GSE1: variants seen among roughly 807,000 people sequenced by gnomAD.
GSE1 encodes the protein Gse1 coiled-coil protein.
Under a neutral mutation model 112.6 loss-of-function variants are expected in GSE1, and 32 were observed. The ratio of observed to expected loss-of-function variants is 0.28; its 90% CI spans 0.21 to 0.38. The LOEUF (loss-of-function observed/expected upper bound fraction) is 0.38, where lower values mean the gene tolerates loss of function less well. Among genes scored for constraint, GSE1 ranks in the 10% least tolerant of loss-of-function variants. GSE1 has a pLI of 1.00. For missense variants in GSE1, 2,348 were observed against 1,699.2 expected (o/e 1.38, Z -6.71); for synonymous variants, 1,115 against 735.6 (o/e 1.52, Z -8.35).
chr16:85,555,054 C>T (rs2045131307), upstream of GSE1: 1 of 985,342 alleles, frequency 1.0e-6, no homozygotes, highest in African/African-American at 1.7e-5. Context: ...CTATTATTAT[C>T]GCCCTGCGAA....
At chr16:85,482,920 G>A (rs1227587494) in intron 2 of GSE1, among the ~76,000 whole-genome samples, 1 of 150,666 alleles carries the variant, frequency 6.6e-6, no homozygotes, top group African/African-American at 2.5e-5. Context: ...AGAGGTTGCA[G>A]TGAGCCAAGA....
rs919674749 is a variant in GSE1 at position 85,269,612 on chromosome 16, G to A, written c.2284-87851G>A. ...TCCTGACTCCCCGGTGCTGCCTCCC[G>A]TGCTCTGCATGCCCGGCCCCTCCCC... On this transcript the variant is annotated intron_variant, in intron 1 of 2. Coordinates refer to the GSE1 transcript ENST00000637419. Among the ~76,000 whole-genome samples the A allele has an allele frequency of 8.7e-5, 13 of 149,268 alleles. 1 individual carries two copies. The highest frequency in any genetic ancestry group is 1.9e-4 in the East Asian group (1 of 5,190).
intron 2 of GSE1, among the ~76,000 whole-genome samples, chr16:85,430,854 G>A (rs1343082241): frequency 6.6e-6 from 1 of 152,196 alleles, no homozygotes; most frequent in East Asian, 1.9e-4. Flanking sequence ...GCAGGTTGCC[G>A]GGCCCTGCCC....
At chr16:85,302,639 C>T (rs974883409) in intron 1 of GSE1, among the ~76,000 whole-genome samples, 1 of 152,212 alleles carries the variant, frequency 6.6e-6, no homozygotes, top group African/African-American at 2.4e-5. Context: ...GATTGCAGGA[C>T]CTCATCCCCA....
At chr16:85,666,497 A>C (rs1228286955) in intron 13 of GSE1, 150 bp downstream of exon 13, 3 of 724,648 alleles carry the variant, frequency 4.1e-6, no homozygotes, top group African/African-American at 3.6e-5. Flanking sequence ...TTATTATGCC[A>C]AAACCATGTT....
At position 85,275,522 on chromosome 16, in the gene GSE1, T is replaced by A. The variant is rs1025217491; in HGVS notation, c.2284-81941T>A. ...TGTCTCACTCGACAAGCCACCGAGTTCAAATGGCACCAGTGAAAAGAGAAG... is the reference window on the plus strand; with the variant it reads ...TGTCTCACTCGACAAGCCACCGAGTACAAATGGCACCAGTGAAAAGAGAAG... On this transcript the variant is annotated intron_variant, in intron 1 of 2. Coordinates refer to the GSE1 transcript ENST00000637419. Among the ~76,000 whole-genome samples the A allele has an allele frequency of 3.3e-5, 5 of 152,268 alleles. No homozygotes were observed. The East Asian group carries it at 9.7e-4, about 29-fold the overall frequency.
At chr16:85,309,132 C>T (rs867258107) in intron 1 of GSE1, among the ~76,000 whole-genome samples, 2 of 151,700 alleles carry the variant, frequency 1.3e-5, no homozygotes, top group Admixed American at 1.3e-4. Flanking sequence ...GCGAAGCTCT[C>T]GACCCAGGCC....
chr16:85,189,636 C>A (rs2074781575), intron 1 of GSE1, among the ~76,000 whole-genome samples: 1 of 152,200 alleles, frequency 6.6e-6, no homozygotes, highest in African/African-American at 2.4e-5. Context: ...AGTTGGTAAT[C>A]TTTTTCTGAA....
intron 1 of GSE1, among the ~76,000 whole-genome samples, chr16:85,225,366 A>G (rs2075466477): frequency 6.6e-6 from 1 of 152,148 alleles, no homozygotes; most frequent in Admixed American, 6.5e-5. Context: ...CAGTCAGTGC[A>G]GAGGGCCCGA....
intron 7 of GSE1, 139 bp from the exon 8 acceptor site, chr16:85,657,138 T>G (rs1417983908): frequency 1.7e-6 from 1 of 585,156 alleles, no homozygotes; most frequent in Non-Finnish European, 2.9e-6. Flanking sequence ...GGGCCCCTTC[T>G]GAATATCTTG....
At chr16:85,462,893 C>G (rs1207979148) in intron 2 of GSE1, among the ~76,000 whole-genome samples, 1 of 150,504 alleles carries the variant, frequency 6.6e-6, no homozygotes, top group Admixed American at 6.6e-5. Context: ...GCAGGGCGCA[C>G]CGCGCAGGGA....
chr16:85,537,518 C>T (rs1270902326), intron 2 of GSE1, among the ~76,000 whole-genome samples: 3 of 152,196 alleles, frequency 2.0e-5, no homozygotes, highest in Non-Finnish European at 4.4e-5. Context: ...CCAGCTCAGC[C>T]AGGGCTCGAG....
At chr16:85,612,059 G>C (rs899408973), upstream of GSE1, among the ~76,000 whole-genome samples, 3 of 152,002 alleles carry the variant, frequency 2.0e-5, no homozygotes, top group African/African-American at 7.2e-5. Context: ...AAGTAGGGAC[G>C]CGCTAGATCA....
chr16:85,648,610 C>A lies in GSE1; in HGVS notation c.285C>A (p.Ser95=), dbSNP rs770603470. Residue 95 remains serine, a synonymous_variant, in exon 3 of 16, where the codon TCC becomes TCA. Transcript: ENST00000253458. Reference sequence around the variant, plus strand: ...CCTCTCCGGCCACCAACCACAGCTCCCCCGCCAGCACACCCAAGCGCGTGC... The same window carrying A: ...CCTCTCCGGCCACCAACCACAGCTCACCCGCCAGCACACCCAAGCGCGTGC... ...PVSSPATNHS[S]PASTPKRVPM... is the part of the protein sequence containing the mutation. The A allele has an allele frequency of 8.1e-6, 13 of 1,606,566 alleles. No individual in the cohort carries two copies. In the Admixed American group the frequency reaches 1.9e-4, roughly 23 times the overall value.
chr16:85,323,945 G>A (rs1475723107), intron 1 of GSE1, among the ~76,000 whole-genome samples: 1 of 152,226 alleles, frequency 6.6e-6, no homozygotes, highest in Non-Finnish European at 1.5e-5. Context: ...GAGCCCAGGA[G>A]CATTTTCTGT....
chr16:85,386,766 A>G (rs1323352110), intron 2 of GSE1, among the ~76,000 whole-genome samples: 1 of 152,180 alleles, frequency 6.6e-6, no homozygotes. Context: ...CTCCCCCGCC[A>G]TGCTGCCCTC....
At chr16:85,436,879 C>T (rs1025635353) in intron 2 of GSE1, among the ~76,000 whole-genome samples, 3 of 152,336 alleles carry the variant, frequency 2.0e-5, no homozygotes, top group Admixed American at 1.3e-4. Flanking sequence ...ACGCAGTGGG[C>T]GGCCCGGGAC....
At chr16:85,221,135 G>A (rs940871116) in intron 1 of GSE1, among the ~76,000 whole-genome samples, 1 of 151,896 alleles carries the variant, frequency 6.6e-6, no homozygotes, top group African/African-American at 2.4e-5. Context: ...TGCAGCCCCC[G>A]CCCAGAGGCA....
chr16:85,629,568 A>T (rs2049372022), intron 1 of GSE1, among the ~76,000 whole-genome samples: 1 of 152,200 alleles, frequency 6.6e-6, no homozygotes. Context: ...TGCTGAGGTC[A>T]TCTCAGCCCT....
Sources: allele counts gnomAD v4.1 joint callset (sites outside exome capture counted in the v4.1 genomes callset), GRCh38; gene constraint gnomAD v4.1.1; transcripts MANE v1.5; gene names NCBI Gene and HGNC (gene_info 2026-07-23, HGNC 2026-07-21).